The following KCNQ1 variants were observed in gnomAD, a reference collection of about 807,000 sequenced individuals.
KCNQ1 encodes the protein potassium voltage-gated channel subfamily Q member 1, also known as potassium voltage-gated channel subfamily KQT member 1.
Under a neutral mutation model 72.4 loss-of-function variants are expected in KCNQ1, and 49 were observed. That is an observed-to-expected ratio of 0.68 (90% CI 0.54 to 0.86). The LOEUF (loss-of-function observed/expected upper bound fraction) is 0.86. Among genes scored for constraint, KCNQ1 ranks in the 40% least tolerant of loss-of-function variants. KCNQ1 has a pLI of 0.00. For missense variants in KCNQ1, 790 were observed against 945.1 expected, an observed-to-expected ratio of 0.84 and a Z score of 2.15; for synonymous variants, 450 against 412.6, an observed-to-expected ratio of 1.09 and a Z score of -1.10.
At chr11:2,528,769 C>T (rs1847556085) in intron 2 of KCNQ1, among the ~76,000 whole-genome samples, 1 of 152,222 alleles carries the variant, frequency 6.6e-6, no homozygotes. Context: ...AGTGTCACGA[C>T]TCAGCTCCCG....
At chr11:2,534,334 C>T (rs1404862232) in intron 2 of KCNQ1, among the ~76,000 whole-genome samples, 1 of 152,274 alleles carries the variant, frequency 6.6e-6, no homozygotes, top group African/African-American at 2.4e-5. Context: ...CTGCTCTGCG[C>T]ACGGCCTGGG....
chr11:2,537,512 C>T lies in KCNQ1; in HGVS notation c.477+9494C>T, dbSNP rs140275569. ...CACGTTTCTACAGTGCCCAGGTTGG[C>T]GCAGGGCCTTTTGGTTCCACAGTCT... On this transcript the variant is annotated intron_variant, in intron 2 of 15. Transcript: ENST00000155840. This position sits in a 1 kb window ranked among gnomAD's most constrained non-coding sequence, Gnocchi z 5.2. 1.1e-3 allele frequency among the ~76,000 whole-genome samples: 171 copies of T among 152,068 alleles called. No individual in the cohort carries two copies. In the East Asian group the frequency reaches 0.03, roughly 27 times the overall value.
Position 2,674,968 on chromosome 11 carries a change from C to T in KCNQ1, c.1514+12887C>T, listed in dbSNP as rs910441727. 2.5e-6 allele frequency: 1 copy of T among 397,592 alleles called. No individual in the cohort carries two copies. Among genetic ancestry groups the T allele is most frequent in the Non-Finnish European group, 4.4e-6 (1 of 225,952 alleles). The allele number at this position is 397,592 out of a possible 1,614,324, so 24.6% of individuals were successfully genotyped here. A position where few individuals can be genotyped will look rare whatever the true frequency, so the allele number is the denominator to read the frequency against. ...GGGGCTGACTGGAGCTGTTTCTCTT[C>T]GTTTCCTCTTACAGTGGCGGGCACT... is the stretch of plus-strand genomic sequence containing the variant. On this transcript the variant is annotated intron_variant, in intron 11 of 15. Coordinates refer to ENST00000155840, the MANE Select transcript of KCNQ1 (RefSeq NM_000218.3). The surrounding 1 kb of genome is among the most constrained non-coding windows in gnomAD (Gnocchi z 5.9).
chr11:2,604,045 A>T (rs1486234100), intron 10 of KCNQ1, among the ~76,000 whole-genome samples: 1 of 152,194 alleles, frequency 6.6e-6, no homozygotes, highest in Non-Finnish European at 1.5e-5. Flanking sequence ...ATATACAATG[A>T]ATAAACATTT....
intron 1 of KCNQ1, among the ~76,000 whole-genome samples, chr11:2,453,110 A>G (rs534421909): frequency 2.4e-4 from 37 of 152,368 alleles, no homozygotes; most frequent in African/African-American, 8.7e-4. Flanking sequence ...GCGGTGGCTC[A>G]CGCCTGTAAT....
rs1848341301 is a variant in KCNQ1 at position 2,571,960 on chromosome 11, T to G, written c.684-53T>G. On this transcript the variant is annotated intron_variant, in intron 4 of 15. Transcript: ENST00000155840. Reference sequence around the variant, plus strand: ...CCATCGGCCAGCCCTAGGCCCGGCGTGAACAGCTGAGCCCAGCCTGGCTCC... The same window carrying G: ...CCATCGGCCAGCCCTAGGCCCGGCGGGAACAGCTGAGCCCAGCCTGGCTCC... The G allele has an allele frequency of 4.6e-6, 7 of 1,514,306 alleles. No individual in the cohort carries two copies. The East Asian group carries it at 1.6e-4, about 35-fold the overall frequency. 93.8% of individuals were successfully genotyped at this position (1,514,306 alleles called of 1,614,324 possible). A position where few individuals can be genotyped will look rare whatever the true frequency, so the allele number is the denominator to read the frequency against.
rs558159631 is a variant in KCNQ1, at chr11:2,499,068, C to T, written c.387-28860C>T. Among the ~76,000 whole-genome samples, 44 of 152,290 alleles carry T rather than the reference C, an allele frequency of 2.9e-4. No individual in the cohort carries two copies. The East Asian group carries it at 3.5e-3, about 12-fold the overall frequency. Reference sequence around the variant, plus strand: ...GGGCTGCACCCACTGCCTAATCAGTCCCAATGAGATGAACTTGGTACCTCA... The same window carrying T: ...GGGCTGCACCCACTGCCTAATCAGTTCCAATGAGATGAACTTGGTACCTCA... On this transcript the variant is annotated intron_variant, in intron 1 of 15. Transcript: ENST00000155840.
intron 15 of KCNQ1, among the ~76,000 whole-genome samples, chr11:2,805,818 T>C (rs1847360290): frequency 6.6e-6 from 1 of 152,214 alleles, no homozygotes; most frequent in Non-Finnish European, 1.5e-5. Flanking sequence ...CAGAAATCGC[T>C]CTGATGACAC....
chr11:2,633,273 T>C, intron 10 of KCNQ1: 2 of 398,556 alleles, frequency 5.0e-6, no homozygotes, highest in South Asian at 1.3e-4. Flanking sequence ...ATTCCTTGTA[T>C]ATTCCGGATA....
At chr11:2,520,604 C>G (rs986814459) in intron 1 of KCNQ1, among the ~76,000 whole-genome samples, 1 of 152,100 alleles carries the variant, frequency 6.6e-6, no homozygotes, top group Non-Finnish European at 1.5e-5. Flanking sequence ...GCTGTGAGAC[C>G]TCTGCCCCTG....
chr11:2,651,380 C>T lies in KCNQ1; in HGVS notation c.1394-10581C>T, dbSNP rs192649849. ...ATTTATCTTTCACTAGTGAGTGCTG[C>T]CCCGGTGGTGGCTCACTTTCCATTC... On this transcript the variant is annotated intron_variant, in intron 10 of 15. Coordinates refer to ENST00000155840, the MANE Select transcript of KCNQ1 (RefSeq NM_000218.3). The surrounding 1 kb of genome is among the most constrained non-coding windows in gnomAD (Gnocchi z 6.1). 6 of 398,728 alleles carry T rather than the reference C, an allele frequency of 1.5e-5. No homozygotes were observed. The highest frequency in any genetic ancestry group is 1.2e-4 in the African/African-American group (6 of 48,756). The allele number at this position is 398,728 out of a possible 1,614,324, so 24.7% of individuals were successfully genotyped here.
chr11:2,836,387 G>C (rs565264568), intron 15 of KCNQ1, among the ~76,000 whole-genome samples: 2 of 152,148 alleles, frequency 1.3e-5, no homozygotes, highest in Admixed American at 1.3e-4. Context: ...TGACGTTTCA[G>C]GCCGGAGGTA....
rs1193488371 is a variant in KCNQ1 at position 2,676,315 on chromosome 11, C to T, written c.1514+14234C>T. On this transcript the variant is annotated intron_variant, in intron 11 of 15. Coordinates refer to ENST00000155840, the MANE Select transcript of KCNQ1 (RefSeq NM_000218.3). The surrounding 1 kb of genome is among the most constrained non-coding windows in gnomAD (Gnocchi z 4.2). The stretch of plus-strand genomic sequence containing the variant: ...AGACACACGTGTGAACAGGTGATGG[C>T]TCTGAACAGTGTAGTTGAAGTGCTG... 7.5e-6 allele frequency: 3 copies of T among 398,506 alleles called. No homozygotes were observed. The highest frequency in any genetic ancestry group is 6.2e-5 in the African/African-American group (3 of 48,638). 24.7% of individuals were successfully genotyped at this position (398,506 alleles called of 1,614,324 possible). A position where few individuals can be genotyped will look rare whatever the true frequency, so the allele number is the denominator to read the frequency against.
chr11:2,568,006 C>T (rs1411357335), intron 2 of KCNQ1, among the ~76,000 whole-genome samples: 1 of 152,184 alleles, frequency 6.6e-6, no homozygotes, highest in Non-Finnish European at 1.5e-5. Context: ...CGGTGGCTCA[C>T]GCTTATAATC....
chr11:2,525,278 C>A (rs1486146086), intron 1 of KCNQ1, among the ~76,000 whole-genome samples: 1 of 152,256 alleles, frequency 6.6e-6, no homozygotes, highest in Non-Finnish European at 1.5e-5. Flanking sequence ...TGGGCACTCA[C>A]CCTTCCAACC....
intron 15 of KCNQ1, among the ~76,000 whole-genome samples, chr11:2,837,155 G>C (rs993409339): frequency 6.6e-6 from 1 of 152,134 alleles, no homozygotes; most frequent in African/African-American, 2.4e-5. Context: ...GCAGCCTCTC[G>C]AGTGTCCAGA....
chr11:2,506,662 T>A (rs966939235), intron 1 of KCNQ1, among the ~76,000 whole-genome samples: 1 of 152,348 alleles, frequency 6.6e-6, no homozygotes. Context: ...CGTAGTTTTG[T>A]TGGATGTGAC....
At chr11:2,467,845 C>T (rs1389924586) in intron 1 of KCNQ1, among the ~76,000 whole-genome samples, 4 of 152,228 alleles carry the variant, frequency 2.6e-5, no homozygotes, top group African/African-American at 9.6e-5. Flanking sequence ...AGGAGCTGGG[C>T]ACTGCTGGAT....
chr11:2,675,863 C>T, intron 11 of KCNQ1: 1 of 398,718 alleles, frequency 2.5e-6, no homozygotes, highest in Non-Finnish European at 4.4e-6. Context: ...CAACACCTGC[C>T]TTCTGGGGAG....
Sources: allele counts gnomAD v4.1 joint callset (sites outside exome capture counted in the v4.1 genomes callset), GRCh38; gene constraint gnomAD v4.1.1; non-coding constraint Gnocchi (gnomAD v3.1); transcripts MANE v1.5; gene names NCBI Gene and HGNC (gene_info 2026-07-23, HGNC 2026-07-21).